The following ADGRL2 variants were observed in gnomAD, a reference collection of about 807,000 sequenced individuals.
ADGRL2 encodes the protein adhesion G protein-coupled receptor L2, also known as calcium-independent alpha-latrotoxin receptor 2.
A neutral mutation model predicts 157.4 loss-of-function variants in ADGRL2; 44 were observed. The ratio of observed to expected loss-of-function variants is 0.28; its 90% CI spans 0.22 to 0.36. The LOEUF is 0.36. Ranked by LOEUF, ADGRL2 falls within the 10% of genes least tolerant of loss-of-function variation. The probability of loss-of-function intolerance (pLI) is 1.00; values close to 1 mark genes in which losing one functional copy is unlikely to be tolerated. For missense variants in ADGRL2, 1,510 were observed against 1,768.9 expected (o/e 0.85, Z 2.63); for synonymous variants, 585 against 624.7 (o/e 0.94, Z 0.95).
At chr1:81,956,116 G>T (rs1653431459) in intron 11 of ADGRL2, 56 bp downstream of exon 11, 1 of 1,301,090 alleles carries the variant, frequency 7.7e-7, no homozygotes, top group African/African-American at 1.5e-5. Flanking sequence ...TATGTAAGAG[G>T]ATGATGTTTC....
intron 2 of ADGRL2, among the ~76,000 whole-genome samples, chr1:81,550,160 C>T (rs2080111914): frequency 6.6e-6 from 1 of 152,082 alleles, no homozygotes; most frequent in African/African-American, 2.4e-5. Context: ...TGGAAGATGC[C>T]AGTCAATGCC....
intron 2 of ADGRL2, among the ~76,000 whole-genome samples, chr1:81,874,826 C>G (rs1347560345): frequency 6.6e-6 from 1 of 152,064 alleles, no homozygotes. Context: ...CTGCTTCAGC[C>G]TCTCTAGTAG....
chr1:81,952,273 A>G (rs112098725), intron 9 of ADGRL2, 131 bp downstream of exon 9: 2 of 625,004 alleles, frequency 3.2e-6, no homozygotes, highest in East Asian at 3.0e-5. Context: ...AATTTGGTTC[A>G]TTTTTCCAAG....
At chr1:81,937,964 GAC>G (rs1185991105) in intron 4 of ADGRL2, among the ~76,000 whole-genome samples, 2 of 151,916 alleles carry the variant, frequency 1.3e-5, no homozygotes, top group Admixed American at 1.3e-4. Flanking sequence ...TCTTTTCTCT[GAC>G]ACAGTTTTGA....
At chr1:81,543,986 C>T (rs1570448755) in intron 2 of ADGRL2, among the ~76,000 whole-genome samples, 1 of 152,108 alleles carries the variant, frequency 6.6e-6, no homozygotes, top group East Asian at 1.9e-4. Context: ...AGGGTACATT[C>T]CCTCACTTCC....
rs1331549262 is a variant in ADGRL2, at chr1:81,813,656, T to G, written c.-101+12588T>G. On this transcript the variant is annotated intron_variant, in intron 1 of 23. Transcript: ENST00000686636. Reference sequence around the variant, plus strand: ...ATGTTTTACAAAAGTATACAAATGCTTCTTTTCCATACAATTATTGGTAGA... The same window carrying G: ...ATGTTTTACAAAAGTATACAAATGCGTCTTTTCCATACAATTATTGGTAGA... Among the ~76,000 whole-genome samples, 4 of 151,794 alleles carry G rather than the reference T, an allele frequency of 2.6e-5. No homozygotes were observed. In the East Asian group the frequency reaches 7.7e-4, roughly 29 times the overall value.
chr1:81,687,254 T>C (rs539034846), intron 3 of ADGRL2, among the ~76,000 whole-genome samples: 1 of 152,326 alleles, frequency 6.6e-6, no homozygotes, highest in African/African-American at 2.4e-5. Flanking sequence ...AGTCCCCCAC[T>C]ATTATTGTGT....
intron 3 of ADGRL2, among the ~76,000 whole-genome samples, chr1:81,911,009 C>T (rs1175068828): frequency 6.6e-6 from 1 of 151,528 alleles, no homozygotes; most frequent in African/African-American, 2.4e-5. Flanking sequence ...TATTTTGCTC[C>T]TCTTGTGTTT....
At chr1:81,484,577 A>C (rs1224357029) in intron 2 of ADGRL2, among the ~76,000 whole-genome samples, 2 of 152,158 alleles carry the variant, frequency 1.3e-5, no homozygotes, top group Non-Finnish European at 2.9e-5. Context: ...TCCCTAAACT[A>C]TGATGTGGTT....
chr1:81,449,925 G>A lies in ADGRL2; in HGVS notation c.-248+4836G>A, dbSNP rs72715553. Among the ~76,000 whole-genome samples the A allele has an allele frequency of 9.5e-3, 1,450 of 152,252 alleles. 8 individuals carry two copies. The highest frequency in any genetic ancestry group is 0.012 in the Non-Finnish European group (843 of 68,018). On this transcript the variant is annotated intron_variant, in intron 2 of 24. Coordinates refer to the ADGRL2 transcript ENST00000370721. Reference sequence around the variant, plus strand: ...CTTTTAAGACCCAAATGTTGGTCTTGTGTGCAAAGCTCAATGAGTAACCCC... The same window carrying A: ...CTTTTAAGACCCAAATGTTGGTCTTATGTGCAAAGCTCAATGAGTAACCCC...
At chr1:81,802,690 C>A (rs758584028) in intron 1 of ADGRL2, among the ~76,000 whole-genome samples, 1 of 152,094 alleles carries the variant, frequency 6.6e-6, no homozygotes, top group South Asian at 2.1e-4. Flanking sequence ...CGCTGGGGCC[C>A]GGGGCCACCC....
intron 18 of ADGRL2, chr1:81,980,827 C>T (rs763942445): frequency 9.8e-6 from 7 of 717,044 alleles, no homozygotes; most frequent in Non-Finnish European, 1.6e-5. Flanking sequence ...TACTATAATA[C>T]GGACTTACCT....
intron 3 of ADGRL2, among the ~76,000 whole-genome samples, chr1:81,654,319 C>T (rs1490407982): frequency 1.3e-5 from 2 of 152,142 alleles, no homozygotes; most frequent in African/African-American, 4.8e-5. Context: ...AGCCTCGAAA[C>T]CTTGAGTCAT....
At chr1:81,846,489 C>T (rs2092794866) in intron 2 of ADGRL2, among the ~76,000 whole-genome samples, 2 of 150,900 alleles carry the variant, frequency 1.3e-5, no homozygotes, top group Non-Finnish European at 3.0e-5. Flanking sequence ...AAAGAATTTC[C>T]TGGAAAAAAA....
At chr1:81,981,085 A>T (rs1209023296) in intron 18 of ADGRL2, 1 of 439,280 alleles carries the variant, frequency 2.3e-6, no homozygotes, top group Non-Finnish European at 4.4e-6. Context: ...ATTCTGTCTA[A>T]TAATTTTGTT....
intron 2 of ADGRL2, among the ~76,000 whole-genome samples, chr1:81,848,997 C>T (rs1255101579): frequency 6.6e-6 from 1 of 151,932 alleles, no homozygotes; most frequent in African/African-American, 2.4e-5. Context: ...CAACAGGAAG[C>T]TCGTTTAATC....
At chr1:81,550,808 C>A (rs1037092383) in intron 2 of ADGRL2, among the ~76,000 whole-genome samples, 3 of 151,146 alleles carry the variant, frequency 2.0e-5, no homozygotes, top group Non-Finnish European at 4.4e-5. Context: ...ATATGCTTTC[C>A]GTTCTACCCT....
intron 1 of ADGRL2, among the ~76,000 whole-genome samples, chr1:81,835,839 A>G (rs1056642082): frequency 6.6e-6 from 1 of 152,046 alleles, no homozygotes; most frequent in Non-Finnish European, 1.5e-5. Flanking sequence ...TTCTTACATT[A>G]TTTTTGTTGT....
chr1:81,342,129 C>A (rs1475306101), intron 1 of ADGRL2, among the ~76,000 whole-genome samples: 2 of 152,098 alleles, frequency 1.3e-5, no homozygotes, highest in African/African-American at 4.8e-5. Flanking sequence ...AATTATAATA[C>A]AACAAGCATA....
Sources: allele counts gnomAD v4.1 joint callset (sites outside exome capture counted in the v4.1 genomes callset), GRCh38; gene constraint gnomAD v4.1.1; transcripts MANE v1.5; gene names NCBI Gene and HGNC (gene_info 2026-07-23, HGNC 2026-07-21).